Variants in RMDN3 observed in about 807,000 individuals in gnomAD.
RMDN3 encodes the protein regulator of microtubule dynamics protein 3.
A neutral mutation model predicts 61.8 loss-of-function variants in RMDN3; 41 were observed. The ratio of observed to expected loss-of-function variants is 0.66; its 90% CI spans 0.52 to 0.86. RMDN3 has a LOEUF of 0.86. Among genes scored for constraint, RMDN3 ranks in the 40% least tolerant of loss-of-function variants. RMDN3 has a pLI of 0.00. For missense variants in RMDN3, 557 were observed against 585.3 expected, an observed-to-expected ratio of 0.95 and a Z score of 0.50; for synonymous variants, 247 against 232.0, an observed-to-expected ratio of 1.06 and a Z score of -0.59.
In RMDN3 at chr15:40,752,024, G is replaced by A. The variant is rs1415623663; in HGVS notation, c.342C>T (p.Ser114=). Residue 114 remains serine, a synonymous_variant, in exon 3 of 13, where the codon AGC becomes AGT. Coordinates refer to ENST00000338376, the MANE Select transcript of RMDN3 (RefSeq NM_018145.3). ...LRREVEELRS[S]LRGLAGEIVG... is the part of the protein sequence containing the mutation. ...CAATCTCCCCCGCAAGCCCTCGCAG[G>A]CTGCTTCTCAGCTCCTCCACCTCCC... 16 of 1,614,054 alleles carry A rather than the reference G, an allele frequency of 9.9e-6. No homozygotes were observed. Among genetic ancestry groups the A allele is most frequent in the African/African-American group, 2.7e-5 (2 of 74,940 alleles).
At chr15:40,738,885 C>T (rs906353837) in intron 7 of RMDN3, 2 of 337,344 alleles carry the variant, frequency 5.9e-6, no homozygotes, top group South Asian at 5.7e-5. Flanking sequence ...AGTACAGCCA[C>T]AGGCATTAAT....
At chr15:40,743,986 T>C in intron 6 of RMDN3, 61 bp downstream of exon 6, 1 of 1,439,926 alleles carries the variant, frequency 6.9e-7, no homozygotes, top group Admixed American at 2.1e-5. Flanking sequence ...CCCAGGCAGA[T>C]GGGCCAGCCC....
intron 7 of RMDN3, chr15:40,739,604 C>T (rs141430488): frequency 1.7e-4 from 26 of 154,444 alleles, no homozygotes; most frequent in Non-Finnish European, 2.3e-4. Context: ...ATGAGTTAGC[C>T]GTGGCCCAGG....
chr15:40,741,584 C>G (rs1359607712), intron 6 of RMDN3, among the ~76,000 whole-genome samples: 4 of 145,912 alleles, frequency 2.7e-5, no homozygotes, highest in African/African-American at 1.0e-4. Flanking sequence ...TAAGGACCAT[C>G]ATGCCTATGC....
intron 5 of RMDN3, 156 bp from the exon 6 acceptor site, chr15:40,744,305 C>T (rs1223339640): frequency 1.6e-5 from 10 of 636,844 alleles, no homozygotes; most frequent in African/African-American, 3.6e-5. Flanking sequence ...TCCCCCCAGT[C>T]ATCCCTTCCC....
chr15:40,744,198 A>G (rs762106534), intron 5 of RMDN3, 49 bp from the exon 6 acceptor site: 1 of 1,561,262 alleles, frequency 6.4e-7, no homozygotes, highest in Non-Finnish European at 8.8e-7. Flanking sequence ...TCAACTGTGG[A>G]GAATGGGGGC....
chr15:40,745,412 CTTT>C lies in RMDN3; in HGVS notation c.525-156_525-154del, dbSNP rs376519039. Among the ~76,000 whole-genome samples the C allele has an allele frequency of 1.9e-3, 242 of 130,296 alleles. 1 individual carries two copies. The highest frequency in any genetic ancestry group is 0.012 in the Middle Eastern group (3 of 246). 85.5% of individuals were successfully genotyped at this position (130,296 alleles called of 152,430 possible). A position where few individuals can be genotyped will look rare whatever the true frequency, so the allele number is the denominator to read the frequency against. ...TACCTCTTAAGGGCAGACTTTTTTT[CTTT>C]TTTTTTTTTTTTTTTGAGACAGGGT... On this transcript the variant is annotated intron_variant, in intron 4 of 12. Transcript: ENST00000338376.
At chr15:40,744,606 C>A (rs965337490) in intron 5 of RMDN3, among the ~76,000 whole-genome samples, 1 of 151,768 alleles carries the variant, frequency 6.6e-6, no homozygotes, top group Non-Finnish European at 1.5e-5. Flanking sequence ...ATGGGGCTGG[C>A]AGCTTGGACT....
intron 6 of RMDN3, among the ~76,000 whole-genome samples, chr15:40,740,693 G>C (rs1213200304): frequency 6.6e-6 from 1 of 152,070 alleles, no homozygotes. Context: ...GATGACTTCT[G>C]CTTCACCTTG....
rs773916777 is a variant in RMDN3 at position 40,737,318 on chromosome 15, A to G, written c.1248T>C (p.Phe416=). 1.9e-6 allele frequency: 3 copies of G among 1,613,964 alleles called. No individual in the cohort carries two copies. In the African/African-American group the frequency reaches 4.0e-5, roughly 22 times the overall value. Reference sequence around the variant, plus strand: ...AAATATATACCCTTCCTGCTTTGGAAAATCCTGGCTGTAGTTCTTCAGCCT... The same window carrying G: ...AAATATATACCCTTCCTGCTTTGGAGAATCCTGGCTGTAGTTCTTCAGCCT... ...FLKAEELQPG[F]SKAGRVYISK... The change falls in exon 11 of 13, where the codon TTT becomes TTC. Residue 416 remains phenylalanine (F), a synonymous_variant. Coordinates refer to ENST00000338376, the MANE Select transcript of RMDN3 (RefSeq NM_018145.3).
At position 40,738,603 on chromosome 15, in the gene RMDN3, A is replaced by G. The variant is rs556880558; in HGVS notation, c.972-27T>C. 10 of 1,612,726 alleles carry G rather than the reference A, an allele frequency of 6.2e-6. No homozygotes were observed. The East Asian group carries it at 8.9e-5, about 14-fold the overall frequency. ...TAGGGGGGAAGCAGCAAGCTCAGGG[A>G]CAAGGGCTGAGTACCATCACTGCAA... On this transcript the variant is annotated intron_variant, in intron 7 of 12. Coordinates refer to ENST00000338376, the MANE Select transcript of RMDN3 (RefSeq NM_018145.3).
At chr15:40,746,141 C>A (rs1295521071) in intron 4 of RMDN3, among the ~76,000 whole-genome samples, 1 of 152,204 alleles carries the variant, frequency 6.6e-6, no homozygotes, top group Admixed American at 6.5e-5. Flanking sequence ...CAGCCACCAG[C>A]AGCTGATTAG....
intron 8 of RMDN3, 63 bp downstream of exon 8, chr15:40,738,438 C>T: frequency 6.5e-7 from 1 of 1,548,168 alleles, no homozygotes; most frequent in South Asian, 1.1e-5. Flanking sequence ...TGGCAGGGAG[C>T]TGGAAAGGAG....
rs1225709640 is a variant in RMDN3, at chr15:40,740,121, G to A, written c.971+12C>T. On this transcript the variant is annotated intron_variant, in intron 7 of 12. Transcript: ENST00000338376. ...TGCTGGCTCTTCCCAGAACACTGCA[G>A]GGTGTTATTACCACAGGTGACAGTC... 6.3e-7 allele frequency: 1 copy of A among 1,583,018 alleles called. No homozygotes were observed. The highest frequency in any genetic ancestry group is 8.7e-7 in the Non-Finnish European group (1 of 1,152,708).
intron 6 of RMDN3, among the ~76,000 whole-genome samples, chr15:40,741,449 G>A (rs1016510217): frequency 2.6e-5 from 4 of 151,962 alleles, no homozygotes; most frequent in African/African-American, 9.7e-5. Flanking sequence ...CAGAGATGAC[G>A]TTCACTTAGT....
intron 10 of RMDN3, 35 bp downstream of exon 10, chr15:40,737,593 C>G (rs1897108340): frequency 6.4e-7 from 1 of 1,558,772 alleles, no homozygotes; most frequent in Non-Finnish European, 8.8e-7. Flanking sequence ...CAAGGTTACC[C>G]TGGTGTTTTT....
intron 6 of RMDN3, among the ~76,000 whole-genome samples, chr15:40,740,683 G>A (rs1278075922): frequency 6.6e-6 from 1 of 152,060 alleles, no homozygotes; most frequent in Non-Finnish European, 1.5e-5. Flanking sequence ...AGACTTCAGG[G>A]ATGACTTCTG....
At chr15:40,740,048 C>G (rs568398456) in intron 7 of RMDN3, 85 bp downstream of exon 7, 1 of 879,486 alleles carries the variant, frequency 1.1e-6, no homozygotes, top group Non-Finnish European at 1.9e-6. Context: ...GAAAATGCCT[C>G]TGTGGCCCAG....
At chr15:40,744,892 C>G in intron 5 of RMDN3, 85 bp downstream of exon 5, 2 of 1,403,100 alleles carry the variant, frequency 1.4e-6, no homozygotes, top group Non-Finnish European at 9.5e-7. Context: ...GCAGTAACCA[C>G]ACGGGCCTTC....
Sources: gnomAD v4.1 joint callset for allele counts (sites outside exome capture counted in the v4.1 genomes callset) on GRCh38, gnomAD v4.1.1 for gene constraint, MANE v1.5 for transcripts, NCBI Gene and HGNC (gene_info 2026-07-23, HGNC 2026-07-21) for gene names.